Variants in CAMK1D observed in about 807,000 individuals in gnomAD.
CAMK1D encodes the protein calcium/calmodulin-dependent protein kinase type 1D.
Under a neutral mutation model 47.7 loss-of-function variants are expected in CAMK1D, and 9 were observed. The observed-to-expected ratio is 0.19, with a 90% CI of 0.11 to 0.33. The LOEUF is 0.33. Ranked by LOEUF, CAMK1D falls within the 10% of genes least tolerant of loss-of-function variation. CAMK1D has a pLI of 1.00. For missense variants in CAMK1D, 291 were observed against 488.7 expected (o/e 0.60, Z 3.81); for synonymous variants, 184 against 184.9 (o/e 0.99, Z 0.04).
intron 6 of CAMK1D, among the ~76,000 whole-genome samples, chr10:12,803,490 T>C (rs1838573813): frequency 6.6e-6 from 1 of 152,126 alleles, no homozygotes; most frequent in Non-Finnish European, 1.5e-5. Context: ...GAGACCAGCC[T>C]GGCCAACACG....
chr10:12,648,342 G>A (rs1016483383), intron 2 of CAMK1D, among the ~76,000 whole-genome samples: 3 of 152,136 alleles, frequency 2.0e-5, no homozygotes, highest in Non-Finnish European at 4.4e-5. Context: ...TAGCGATGGC[G>A]TTTCAGTAGG....
chr10:12,569,409 A>G (rs1837244267), intron 2 of CAMK1D, among the ~76,000 whole-genome samples: 2 of 151,846 alleles, frequency 1.3e-5, no homozygotes, highest in African/African-American at 2.4e-5. Flanking sequence ...CTTTTCTACT[A>G]CTCTTAAAAA....
At chr10:12,401,117 T>A (rs1169622998) in intron 1 of CAMK1D, among the ~76,000 whole-genome samples, 12 of 74,358 alleles carry the variant, frequency 1.6e-4, no homozygotes, top group Middle Eastern at 5.6e-3. Context: ...TTTATATATA[T>A]AATATATGTA....
chr10:12,819,826 G>GC (rs1554830551), intron 8 of CAMK1D, among the ~76,000 whole-genome samples: 1 of 152,194 alleles, frequency 6.6e-6, no homozygotes, highest in Non-Finnish European at 1.5e-5. Context: ...GGTGACAGTG[G>GC]CCTGCGCGGG....
chr10:12,545,123 A>G (rs948611174), intron 1 of CAMK1D, among the ~76,000 whole-genome samples: 2 of 152,014 alleles, frequency 1.3e-5, no homozygotes, highest in African/African-American at 4.8e-5. Context: ...CATGTTAAGG[A>G]CTGTAATGGG....
intron 3 of CAMK1D, among the ~76,000 whole-genome samples, chr10:12,757,026 A>C (rs909268920): frequency 6.6e-6 from 1 of 152,314 alleles, no homozygotes; most frequent in Non-Finnish European, 1.5e-5. Context: ...ATTTTTGACT[A>C]TCTCTTCTGT....
At chr10:12,515,430 C>CTTTTTTTTTT (rs55728182) in intron 1 of CAMK1D, among the ~76,000 whole-genome samples, 2 of 92,262 alleles carry the variant, frequency 2.2e-5, no homozygotes, top group Non-Finnish European at 4.3e-5. Flanking sequence ...TTTTTTTTTT[C>CTTTTTTTTTT]ATTATACTTT....
chr10:12,423,149 T>A (rs1189886520), intron 1 of CAMK1D, among the ~76,000 whole-genome samples: 3 of 152,184 alleles, frequency 2.0e-5, no homozygotes, highest in Admixed American at 6.5e-5. Flanking sequence ...TTCTAGGACT[T>A]GGGCAATTTC....
chr10:12,632,632 A>T, intron 2 of CAMK1D, among the ~76,000 whole-genome samples: 1 of 152,220 alleles, frequency 6.6e-6, no homozygotes, highest in Admixed American at 6.5e-5. Context: ...ATGAAACTCC[A>T]AGAGTTTGGA....
At position 12,544,550 on chromosome 10, in the gene CAMK1D, G is replaced by A. The variant is rs183687608; in HGVS notation, c.93-8675G>A. Among the ~76,000 whole-genome samples, 243 of 152,250 alleles carry A rather than the reference G, an allele frequency of 1.6e-3. 1 individual carries two copies. Among genetic ancestry groups the A allele is most frequent in the African/African-American group, 5.2e-3 (215 of 41,528 alleles). On this transcript the variant is annotated intron_variant, in intron 1 of 10. Transcript: ENST00000619168. Reference sequence around the variant, plus strand: ...CTGTATAATATTACTTAAGCATTCAGGCACATAAGTGCATGTTTTAAAATA... The same window carrying A: ...CTGTATAATATTACTTAAGCATTCAAGCACATAAGTGCATGTTTTAAAATA...
At chr10:12,576,048 T>C (rs1837480325) in intron 2 of CAMK1D, among the ~76,000 whole-genome samples, 2 of 152,342 alleles carry the variant, frequency 1.3e-5, no homozygotes, top group East Asian at 1.9e-4. Flanking sequence ...TTCAGTTTCA[T>C]TGATCTCACT....
intron 6 of CAMK1D, among the ~76,000 whole-genome samples, chr10:12,805,584 G>A (rs902240871): frequency 5.3e-5 from 8 of 151,926 alleles, no homozygotes; most frequent in Admixed American, 3.3e-4. Flanking sequence ...TGGTCAGGCC[G>A]GTCTCAAACT....
At chr10:12,562,485 C>T (rs911438944) in intron 2 of CAMK1D, among the ~76,000 whole-genome samples, 1 of 152,164 alleles carries the variant, frequency 6.6e-6, no homozygotes, top group Non-Finnish European at 1.5e-5. Flanking sequence ...CTGATAGTCA[C>T]CCTCACTACC....
chr10:12,428,279 A>T (rs890477054), intron 1 of CAMK1D, among the ~76,000 whole-genome samples: 1 of 152,034 alleles, frequency 6.6e-6, no homozygotes, highest in Non-Finnish European at 1.5e-5. Context: ...GGTTGTGTCC[A>T]TCCTGCCTAG....
At chr10:12,630,669 T>G (rs1839354694) in intron 2 of CAMK1D, among the ~76,000 whole-genome samples, 1 of 152,306 alleles carries the variant, frequency 6.6e-6, no homozygotes, top group African/African-American at 2.4e-5. Context: ...TCCTCCCACC[T>G]TGGCCTCTCC....
chr10:12,438,379 A>G (rs1832693720), intron 1 of CAMK1D, among the ~76,000 whole-genome samples: 1 of 152,160 alleles, frequency 6.6e-6, no homozygotes, highest in African/African-American at 2.4e-5. Flanking sequence ...ATGGAATTAT[A>G]CATGTGGCTA....
At chr10:12,500,673 A>G (rs1564375222) in intron 1 of CAMK1D, among the ~76,000 whole-genome samples, 1 of 152,210 alleles carries the variant, frequency 6.6e-6, no homozygotes, top group Non-Finnish European at 1.5e-5. Context: ...TTCAGTTTAG[A>G]TAAGATTATC....
At chr10:12,518,232 C>T (rs1197707311) in intron 1 of CAMK1D, among the ~76,000 whole-genome samples, 2 of 152,172 alleles carry the variant, frequency 1.3e-5, no homozygotes, top group Non-Finnish European at 2.9e-5. Flanking sequence ...TGGAACACAG[C>T]CATGCCTGTT....
At chr10:12,593,869 G>A (rs551624597) in intron 2 of CAMK1D, among the ~76,000 whole-genome samples, 23 of 152,170 alleles carry the variant, frequency 1.5e-4, no homozygotes, top group Admixed American at 6.5e-4. Flanking sequence ...TGGAAGTTGC[G>A]TTGCCTTCTT....
Sources: gnomAD v4.1 joint callset for allele counts (sites outside exome capture counted in the v4.1 genomes callset) on GRCh38, gnomAD v4.1.1 for gene constraint, MANE v1.5 for transcripts, NCBI Gene and HGNC (gene_info 2026-07-23, HGNC 2026-07-21) for gene names.